COL14A1: variants seen among roughly 807,000 people sequenced by gnomAD.
COL14A1 encodes collagen alpha-1(XIV) chain.
Under a neutral mutation model 230.3 loss-of-function variants are expected in COL14A1, and 136 were observed. The observed-to-expected ratio is 0.59, with a 90% confidence interval of 0.51 to 0.68. The LOEUF is 0.68. Ranked by LOEUF, COL14A1 falls within the 30% of genes least tolerant of loss-of-function variation. The probability of loss-of-function intolerance (pLI) is 0.00; values close to 1 mark genes in which losing one functional copy is unlikely to be tolerated. For synonymous variants in COL14A1, 792 were observed against 784.1 expected, an observed-to-expected ratio of 1.01 and a Z score of -0.17; for missense variants, 1,976 against 2,215.8, an observed-to-expected ratio of 0.89 and a Z score of 2.17.
chr8:120,253,395 CCT>C (rs1047846950), intron 22 of COL14A1, among the ~76,000 whole-genome samples: 3 of 152,072 alleles, frequency 2.0e-5, no homozygotes, highest in Non-Finnish European at 4.4e-5. Context: ...AATTCTGTTT[CCT>C]CTTTCTTCTC....
At chr8:120,152,340 G>A (rs1192886855) in intron 2 of COL14A1, among the ~76,000 whole-genome samples, 3 of 151,714 alleles carry the variant, frequency 2.0e-5, no homozygotes, top group Admixed American at 6.6e-5. Context: ...GCGGGCGCCT[G>A]TAGTCTGTAG....
chr8:120,133,455 G>T (rs115864382), intron 1 of COL14A1, among the ~76,000 whole-genome samples: 1,584 of 152,088 alleles, frequency 0.01, 25 homozygotes, highest in African/African-American at 0.036. Context: ...ATCAAGTTGG[G>T]CTCAAATTTT....
At chr8:120,358,655 A>G (rs540847597) in intron 45 of COL14A1, among the ~76,000 whole-genome samples, 1 of 151,746 alleles carries the variant, frequency 6.6e-6, no homozygotes, top group East Asian at 1.9e-4. Context: ...TATACTAGAT[A>G]ATAAAAGAGA....
chr8:120,240,248 CA>C (rs1818572994), intron 19 of COL14A1, among the ~76,000 whole-genome samples: 1 of 151,688 alleles, frequency 6.6e-6, no homozygotes, highest in Admixed American at 6.6e-5. Context: ...CTTTAAGTAT[CA>C]AGCTCCTTTA....
rs756111561 is a variant in COL14A1, at chr8:120,255,272, C to T, written c.2785C>T (p.His929Tyr). 1.9e-6 allele frequency: 3 copies of T among 1,614,164 alleles called. No individual in the cohort carries two copies. Among genetic ancestry groups the T allele is most frequent in the Admixed American group, 1.7e-5 (1 of 60,028 alleles). Residue 929 changes from histidine (H) to tyrosine (Y), a missense_variant, in exon 23 of 48, where the codon CAT becomes TAT. This residue lies in a region of COL14A1 where 1,791 missense variants were observed against 2,019.5 expected (regional missense o/e 0.89). Coordinates refer to ENST00000297848, the MANE Select transcript of COL14A1 (RefSeq NM_021110.4). ...FLGVTNLQAKHVEMTSLCAHW... is the reference protein window; with the variant it reads ...FLGVTNLQAKYVEMTSLCAHW... Reference sequence around the variant, plus strand: ...GGGTGTTACCAATCTCCAAGCCAAACATGTTGAAATGACCAGCTTGTGTGC... The same window carrying T: ...GGGTGTTACCAATCTCCAAGCCAAATATGTTGAAATGACCAGCTTGTGTGC...
chr8:120,271,786 A>G (rs1406757488), intron 26 of COL14A1, among the ~76,000 whole-genome samples: 3 of 151,618 alleles, frequency 2.0e-5, no homozygotes, highest in Admixed American at 1.3e-4. Context: ...TGGACCATCA[A>G]AGGAGTTGAG....
In COL14A1 at chr8:120,370,102, C is replaced by T. The variant is rs1304442768; in HGVS notation, c.5311+617C>T. Among the ~76,000 whole-genome samples, 4 of 152,214 alleles carry T rather than the reference C, an allele frequency of 2.6e-5. No individual in the cohort carries two copies. The East Asian group carries it at 5.8e-4, about 22-fold the overall frequency. On this transcript the variant is annotated intron_variant, in intron 47 of 47. Transcript: ENST00000297848. ...AAAACATCTGCAGTGTGCATGCTGG[C>T]GTGCTGTGCAATGGCCCCTTTTCTG...
At chr8:120,188,464 A>C (rs1563659715) in intron 5 of COL14A1, among the ~76,000 whole-genome samples, 1 of 152,176 alleles carries the variant, frequency 6.6e-6, no homozygotes, top group Non-Finnish European at 1.5e-5. Context: ...TTCTCATCAC[A>C]AAACTCCAGA....
At chr8:120,249,197 C>T (rs1166100006) in intron 21 of COL14A1, among the ~76,000 whole-genome samples, 4 of 151,328 alleles carry the variant, frequency 2.6e-5, no homozygotes, top group Non-Finnish European at 4.4e-5. Flanking sequence ...GGATTACAAG[C>T]GTGAGCCACC....
At chr8:120,144,818 G>T (rs1815033604) in intron 1 of COL14A1, among the ~76,000 whole-genome samples, 1 of 151,898 alleles carries the variant, frequency 6.6e-6, no homozygotes, top group Admixed American at 6.6e-5. Flanking sequence ...TAACAGTGTT[G>T]GAAAGAGTCC....
chr8:120,332,317 C>T, intron 41 of COL14A1, 123 bp downstream of exon 41: 1 of 871,678 alleles, frequency 1.1e-6, no homozygotes, highest in Non-Finnish European at 1.8e-6. Context: ...ACAACTCATC[C>T]CTTGATAGAG....
chr8:120,269,141 A>G (rs1356284783), intron 25 of COL14A1, among the ~76,000 whole-genome samples: 1 of 151,764 alleles, frequency 6.6e-6, no homozygotes, highest in Non-Finnish European at 1.5e-5. Context: ...ATCTCATAGA[A>G]TATTTATGTG....
At chr8:120,327,905 C>T (rs1328326269) in intron 40 of COL14A1, among the ~76,000 whole-genome samples, 2 of 151,954 alleles carry the variant, frequency 1.3e-5, no homozygotes, top group Admixed American at 6.6e-5. Flanking sequence ...GCTGGGATTA[C>T]AGGCATGAGC....
At chr8:120,223,907 C>T (rs897849991) in intron 14 of COL14A1, among the ~76,000 whole-genome samples, 2 of 151,640 alleles carry the variant, frequency 1.3e-5, no homozygotes, top group Admixed American at 6.6e-5. Flanking sequence ...ATGTGGTCTA[C>T]AATATGCACC....
chr8:120,278,378 C>A, intron 27 of COL14A1, 57 bp from the exon 28 acceptor site: 1 of 1,572,910 alleles, frequency 6.4e-7, no homozygotes, highest in Non-Finnish European at 8.6e-7. Flanking sequence ...CCTTTCTTCT[C>A]CAGAAAAACA....
intron 38 of COL14A1, 36 bp from the exon 39 acceptor site, chr8:120,315,497 A>G (rs1168918957): frequency 2.6e-6 from 4 of 1,557,980 alleles, no homozygotes; most frequent in East Asian, 4.5e-5. Flanking sequence ...GAATTTACCT[A>G]TGTGAACTTA....
chr8:120,131,169 G>A (rs545877997), intron 1 of COL14A1, among the ~76,000 whole-genome samples: 2 of 152,292 alleles, frequency 1.3e-5, no homozygotes, highest in African/African-American at 4.8e-5. Flanking sequence ...GAAGAGTGCT[G>A]TGATGAACAT....
At chr8:120,189,921 C>T (rs199964035) in intron 5 of COL14A1, among the ~76,000 whole-genome samples, 4 of 151,790 alleles carry the variant, frequency 2.6e-5, no homozygotes, top group South Asian at 2.1e-4. Context: ...TCTTTGCTAT[C>T]GTGAATAGTG....
chr8:120,344,702 C>T (rs967075110), intron 44 of COL14A1, among the ~76,000 whole-genome samples: 7 of 152,128 alleles, frequency 4.6e-5, no homozygotes, highest in Admixed American at 3.3e-4. Context: ...AGAAAATTCA[C>T]TTATGTTGGG....
Sources: allele counts gnomAD v4.1 joint callset (sites outside exome capture counted in the v4.1 genomes callset), GRCh38; gene constraint gnomAD v4.1.1; regional missense constraint gnomAD v4.1.1; transcripts MANE v1.5; gene names NCBI Gene and HGNC (gene_info 2026-07-23, HGNC 2026-07-21).